MDFIC: variants seen among roughly 807,000 people sequenced by gnomAD.
The protein encoded by MDFIC is myoD family inhibitor domain-containing protein.
In MDFIC, 17 loss-of-function variants were observed where a neutral mutation model predicts 23.2. The ratio of observed to expected loss-of-function variants is 0.73; its 90% confidence interval spans 0.50 to 1.10. The LOEUF (loss-of-function observed/expected upper bound fraction) is 1.10. Among genes scored for constraint, MDFIC ranks in the 50% least tolerant of loss-of-function variants. The pLI is 0.00. For synonymous variants in MDFIC, 120 were observed against 115.2 expected (o/e 1.04, Z -0.27); for missense variants, 356 against 316.6 (o/e 1.12, Z -0.95).
In MDFIC at chr7:114,929,789, TAGAG is replaced by T. The variant is rs534962173; in HGVS notation, c.94+6666_94+6669del. 5.0e-3 allele frequency among the ~76,000 whole-genome samples: 758 copies of T among 152,098 alleles called. 4 individuals are homozygous for T. Among genetic ancestry groups the T allele is most frequent in the Middle Eastern group, 0.027 (8 of 294 alleles). On this transcript the variant is annotated intron_variant, in intron 2 of 4. Transcript: ENST00000393486. ...CACTAATGAGAAGAAAGCCGGAAGT[TAGAG>T]AGAAAATGAAGATGAAAGGAGATGG...
chr7:114,924,261 C>T (rs923645877), intron 2 of MDFIC, among the ~76,000 whole-genome samples: 1 of 152,140 alleles, frequency 6.6e-6, no homozygotes, highest in African/African-American at 2.4e-5. Context: ...TGTTCTCCAC[C>T]TTGTATTGTC....
Position 114,943,389 on chromosome 7 carries a change from C to T in MDFIC, c.217+992C>T, listed in dbSNP as rs560766686. Among the ~76,000 whole-genome samples the T allele has an allele frequency of 8.6e-5, 13 of 151,902 alleles. No homozygotes were observed. The East Asian group carries it at 1.9e-3, about 23-fold the overall frequency. On this transcript the variant is annotated intron_variant, in intron 3 of 4. Transcript: ENST00000393486. ...ATTAGAAAAAAAAAGGAAGAGGGTC[C>T]AACTTAGGAGAAAATAAACAACAAC...
At chr7:114,981,721 A>G (rs190042517) in intron 4 of MDFIC, among the ~76,000 whole-genome samples, 72 of 152,326 alleles carry the variant, frequency 4.7e-4, no homozygotes, top group Middle Eastern at 3.4e-3. Flanking sequence ...AATTTAGACA[A>G]TTGTAGGTTT....
chr7:114,968,559 A>G (rs1436069499), intron 3 of MDFIC, among the ~76,000 whole-genome samples: 1 of 152,216 alleles, frequency 6.6e-6, no homozygotes, highest in Non-Finnish European at 1.5e-5. Flanking sequence ...GATTTTCTAT[A>G]TGGGTTGGAC....
rs9769338 is a variant in MDFIC, at chr7:115,016,685, T to C, written c.*750T>C. ...ATAAATAAATAAATAAATAAATAAA[T>C]AAACAAACCAGTCTTTATTTTAAAA... On this transcript the variant is annotated 3_prime_UTR_variant, in exon 5 of 5. Coordinates refer to ENST00000393486, the MANE Select transcript of MDFIC (RefSeq NM_001166345.3). 0.037 allele frequency: 5,784 copies of C among 155,614 alleles called. 272 individuals are homozygous for C. The highest frequency in any genetic ancestry group is 0.11 in the African/African-American group (4,467 of 40,918). The allele number at this position is 155,614 out of a possible 1,614,324, so 9.6% of individuals were successfully genotyped here. A position where few individuals can be genotyped will look rare whatever the true frequency, so the allele number is the denominator to read the frequency against.
intron 3 of MDFIC, among the ~76,000 whole-genome samples, chr7:114,969,859 C>T (rs1432524821): frequency 6.6e-6 from 1 of 152,144 alleles, no homozygotes; most frequent in South Asian, 2.1e-4. Flanking sequence ...CATGTTATTC[C>T]ACAGACCTCT....
At chr7:114,970,268 T>C (rs535407075) in intron 3 of MDFIC, among the ~76,000 whole-genome samples, 1 of 152,338 alleles carries the variant, frequency 6.6e-6, no homozygotes, top group East Asian at 1.9e-4. Flanking sequence ...GTTCTTTCTT[T>C]GTTGGCAACA....
At chr7:115,008,763 T>C (rs1297155611) in intron 4 of MDFIC, among the ~76,000 whole-genome samples, 1 of 152,216 alleles carries the variant, frequency 6.6e-6, no homozygotes, top group East Asian at 1.9e-4. Context: ...GGCTAGATGC[T>C]CACTTAGCAA....
intron 3 of MDFIC, among the ~76,000 whole-genome samples, chr7:114,959,050 A>C (rs1344263949): frequency 6.6e-6 from 1 of 152,220 alleles, no homozygotes; most frequent in Admixed American, 6.5e-5. Context: ...CACAGAGTAC[A>C]TACTTAATGT....
At chr7:115,002,256 C>T (rs1208791182) in intron 4 of MDFIC, among the ~76,000 whole-genome samples, 4 of 152,176 alleles carry the variant, frequency 2.6e-5, no homozygotes, top group African/African-American at 4.8e-5. Flanking sequence ...GCATACTATC[C>T]TTTCAGAACC....
intron 4 of MDFIC, among the ~76,000 whole-genome samples, chr7:115,003,879 T>C (rs1177497116): frequency 1.3e-5 from 2 of 152,216 alleles, no homozygotes; most frequent in African/African-American, 2.4e-5. Context: ...AATTGGATAT[T>C]GGATATTCCA....
intron 4 of MDFIC, chr7:115,014,650 C>A: frequency 1.5e-6 from 1 of 670,986 alleles, no homozygotes; most frequent in Non-Finnish European, 2.0e-6. Flanking sequence ...ACAAAACAAC[C>A]CAGAATTAAT....
At chr7:114,943,368 G>GA (rs959757787) in intron 3 of MDFIC, among the ~76,000 whole-genome samples, 9 of 148,152 alleles carry the variant, frequency 6.1e-5, no homozygotes, top group Admixed American at 2.7e-4. Context: ...AAATAAATTA[G>GA]AAAAAAAAAG....
intron 4 of MDFIC, 44 bp from the exon 5 acceptor site, chr7:115,015,644 C>T (rs1791779653): frequency 5.7e-6 from 9 of 1,584,654 alleles, no homozygotes; most frequent in Non-Finnish European, 7.7e-6. Flanking sequence ...TTTTGTGTTC[C>T]TCCTTTTTCT....
chr7:114,933,070 AG>A (rs1192597740), intron 2 of MDFIC, among the ~76,000 whole-genome samples: 4 of 152,158 alleles, frequency 2.6e-5, no homozygotes, highest in African/African-American at 9.7e-5. Flanking sequence ...GTGCCAAGTA[AG>A]GGTTCTTTGC....
intron 4 of MDFIC, among the ~76,000 whole-genome samples, chr7:114,986,824 A>C (rs908341765): frequency 6.6e-6 from 1 of 152,184 alleles, no homozygotes; most frequent in African/African-American, 2.4e-5. Context: ...CTATTAATCT[A>C]TTGATCTGTT....
intron 2 of MDFIC, among the ~76,000 whole-genome samples, chr7:114,929,502 T>C (rs1792267495): frequency 6.6e-6 from 1 of 152,172 alleles, no homozygotes; most frequent in South Asian, 2.1e-4. Context: ...ACATCTTTAA[T>C]GATAGTTTTC....
intron 3 of MDFIC, among the ~76,000 whole-genome samples, chr7:114,960,167 G>A (rs918611346): frequency 1.7e-4 from 26 of 152,266 alleles, no homozygotes; most frequent in Non-Finnish European, 2.6e-4. Context: ...ACCTCACGGG[G>A]TTGGTGAAGG....
chr7:114,996,441 A>T (rs548207440), intron 4 of MDFIC, among the ~76,000 whole-genome samples: 12 of 152,194 alleles, frequency 7.9e-5, no homozygotes, highest in Non-Finnish European at 1.3e-4. Context: ...TGAGAAGACT[A>T]TAGGAAGAAT....
Sources: allele counts gnomAD v4.1 joint callset (sites outside exome capture counted in the v4.1 genomes callset), GRCh38; gene constraint gnomAD v4.1.1; transcripts MANE v1.5; gene names NCBI Gene and HGNC (gene_info 2026-07-23, HGNC 2026-07-21).